Variants in DCLK1 observed in about 807,000 individuals in gnomAD.
The protein encoded by DCLK1 is serine/threonine-protein kinase DCLK1.
DCLK1 carries 16 observed loss-of-function variants against 86.2 expected under a neutral mutation model. That is an observed-to-expected ratio of 0.19 (90% CI 0.13 to 0.28). The LOEUF is 0.28. Among genes scored for constraint, DCLK1 ranks in the 10% least tolerant of loss-of-function variants. The pLI, the probability that DCLK1 is intolerant of heterozygous loss-of-function variation, is 1.00. For synonymous variants in DCLK1, 369 were observed against 370.5 expected (o/e 1.00, Z 0.05); for missense variants, 590 against 940.2 (o/e 0.63, Z 4.87).
intron 3 of DCLK1, among the ~76,000 whole-genome samples, chr13:36,014,612 T>A (rs1202889994): frequency 2.6e-5 from 4 of 152,166 alleles, no homozygotes; most frequent in Non-Finnish European, 5.9e-5. Flanking sequence ...TTGCAATCTC[T>A]TGGAGTTGCT....
intron 8 of DCLK1, 133 bp from the exon 9 acceptor site, chr13:35,828,440 C>CA: frequency 2.8e-6 from 2 of 721,642 alleles, no homozygotes; most frequent in Non-Finnish European, 4.4e-6. Context: ...GATTTCCTTT[C>CA]CTTTTTTAAA....
chr13:36,111,034 C>A (rs960488679), intron 3 of DCLK1, among the ~76,000 whole-genome samples: 5 of 151,832 alleles, frequency 3.3e-5, no homozygotes, highest in Non-Finnish European at 7.4e-5. Context: ...CGGGGTTTCA[C>A]CCTGTTAGCC....
chr13:35,896,868 A>G (rs1013712355), intron 4 of DCLK1, among the ~76,000 whole-genome samples: 1 of 152,126 alleles, frequency 6.6e-6, no homozygotes, highest in Non-Finnish European at 1.5e-5. Flanking sequence ...TGCTCAGAAA[A>G]CGGACATTTA....
At chr13:35,905,496 T>G (rs1874639354) in intron 4 of DCLK1, among the ~76,000 whole-genome samples, 2 of 152,038 alleles carry the variant, frequency 1.3e-5, no homozygotes, top group Non-Finnish European at 2.9e-5. Flanking sequence ...GCCCATGAGG[T>G]CAAAGCTCAC....
At chr13:35,887,913 A>G (rs1873390608) in intron 4 of DCLK1, among the ~76,000 whole-genome samples, 1 of 144,280 alleles carries the variant, frequency 6.9e-6, no homozygotes, top group Non-Finnish European at 1.5e-5. Flanking sequence ...AAAAAAAAGA[A>G]GGCTTCAGTG....
At chr13:36,045,346 A>G (rs1488578187) in intron 3 of DCLK1, among the ~76,000 whole-genome samples, 31 of 104,620 alleles carry the variant, frequency 3.0e-4, no homozygotes, top group African/African-American at 9.9e-4. Context: ...ATATATATAT[A>G]TATATATATA....
At chr13:35,965,595 A>C (rs1314008381) in intron 3 of DCLK1, among the ~76,000 whole-genome samples, 1 of 152,206 alleles carries the variant, frequency 6.6e-6, no homozygotes, top group Non-Finnish European at 1.5e-5. Context: ...GGAAACCTTG[A>C]AATGTCCTCC....
intron 15 of DCLK1, among the ~76,000 whole-genome samples, chr13:35,794,199 C>A (rs1333680570): frequency 6.6e-6 from 1 of 152,120 alleles, no homozygotes; most frequent in South Asian, 2.1e-4. Flanking sequence ...TATGTGCCAC[C>A]ACTTACTAGA....
chr13:35,911,431 C>A (rs941568405), intron 4 of DCLK1, among the ~76,000 whole-genome samples: 5 of 152,142 alleles, frequency 3.3e-5, no homozygotes, highest in African/African-American at 1.2e-4. Flanking sequence ...AGGACACCCA[C>A]GGGGCCACAG....
chr13:35,914,722 A>G (rs1213063847), intron 4 of DCLK1, among the ~76,000 whole-genome samples: 1 of 151,966 alleles, frequency 6.6e-6, no homozygotes, highest in African/African-American at 2.4e-5. Flanking sequence ...TCTCAAAAAA[A>G]AAAAAAAAGA....
At chr13:35,981,370 G>A (rs1473876850) in intron 3 of DCLK1, among the ~76,000 whole-genome samples, 1 of 151,886 alleles carries the variant, frequency 6.6e-6, no homozygotes, top group Non-Finnish European at 1.5e-5. Flanking sequence ...AAAACTGAGA[G>A]GAAGGGATGG....
At chr13:35,821,006 T>C (rs1415847475) in intron 11 of DCLK1, among the ~76,000 whole-genome samples, 2 of 152,244 alleles carry the variant, frequency 1.3e-5, no homozygotes, top group African/African-American at 2.4e-5. Flanking sequence ...ACCTGACACA[T>C]AGCAAGTACT....
chr13:35,963,430 G>T (rs1000940841), intron 3 of DCLK1, among the ~76,000 whole-genome samples: 2 of 152,126 alleles, frequency 1.3e-5, no homozygotes, highest in Admixed American at 1.3e-4. Flanking sequence ...AGGAAGCTTT[G>T]CTTGGCCATA....
In DCLK1 at chr13:35,970,021, GT is replaced by G. The variant is rs537736633; in HGVS notation, c.724-22565del. ...CCAGAACTGTGAGAAATAAATTTCTGTTTTTTATAAGCCACTCAGTCTATGG... is the reference window on the plus strand; with the variant it reads ...CCAGAACTGTGAGAAATAAATTTCTGTTTTTATAAGCCACTCAGTCTATGG... On this transcript the variant is annotated intron_variant, in intron 3 of 16. Coordinates refer to ENST00000360631, the MANE Select transcript of DCLK1 (RefSeq NM_001330071.2). Among the ~76,000 whole-genome samples the G allele has an allele frequency of 8.8e-3, 1,342 of 152,092 alleles. 10 individuals are homozygous for G. Among genetic ancestry groups the G allele is most frequent in the Non-Finnish European group, 0.015 (998 of 67,982 alleles).
intron 4 of DCLK1, among the ~76,000 whole-genome samples, chr13:35,942,677 A>G (rs1424918625): frequency 1.3e-5 from 2 of 152,184 alleles, no homozygotes; most frequent in Non-Finnish European, 2.9e-5. Context: ...GAGAAGATAA[A>G]TCAATTAAAA....
At chr13:35,779,007 AATTTATTT>A (rs937421158) in intron 16 of DCLK1, among the ~76,000 whole-genome samples, 1 of 151,248 alleles carries the variant, frequency 6.6e-6, no homozygotes, top group African/African-American at 2.4e-5. Flanking sequence ...TGCCCACTCA[AATTTATTT>A]ATTTATTTAT....
chr13:35,962,937 G>A (rs918082175), intron 3 of DCLK1, among the ~76,000 whole-genome samples: 1 of 152,128 alleles, frequency 6.6e-6, no homozygotes, highest in African/African-American at 2.4e-5. Flanking sequence ...TTCATTGTTA[G>A]TTGTTTACAT....
chr13:35,855,929 G>A lies in DCLK1; in HGVS notation c.941-1336C>T, dbSNP rs150335177. On this transcript the variant is annotated intron_variant, in intron 5 of 16. Coordinates refer to ENST00000360631, the MANE Select transcript of DCLK1 (RefSeq NM_001330071.2). ...AATGACAATAACTCTTCTAAAGCCT[G>A]GTGACTACCAGGTAATCAGGAAACC... 120 of 894,224 alleles carry A rather than the reference G, an allele frequency of 1.3e-4. No individual in the cohort carries two copies. The African/African-American group carries it at 2.1e-3, about 15-fold the overall frequency. The allele number at this position is 894,224 out of a possible 1,614,324, so 55.4% of individuals were successfully genotyped here.
At chr13:36,013,913 T>C (rs954617785) in intron 3 of DCLK1, among the ~76,000 whole-genome samples, 3 of 152,202 alleles carry the variant, frequency 2.0e-5, no homozygotes, top group Non-Finnish European at 4.4e-5. Context: ...GAGCCAGGTG[T>C]GGGATATAAT....
Sources: allele counts gnomAD v4.1 joint callset (sites outside exome capture counted in the v4.1 genomes callset), GRCh38; gene constraint gnomAD v4.1.1; transcripts MANE v1.5; gene names NCBI Gene and HGNC (gene_info 2026-07-23, HGNC 2026-07-21).